Variants in RBFOX1 observed in about 807,000 individuals in gnomAD.
RBFOX1 encodes the protein RNA binding fox-1 homolog 1.
A neutral mutation model predicts 57.7 loss-of-function variants in RBFOX1; 8 were observed. The observed-to-expected ratio is 0.14, with a 90% confidence interval of 0.08 to 0.25. The LOEUF is 0.25. RBFOX1 is among the 10% of genes least tolerant of loss of function. The probability of loss-of-function intolerance (pLI) is 1.00; values close to 1 mark genes in which losing one functional copy is unlikely to be tolerated. For synonymous variants in RBFOX1, 326 were observed against 222.4 expected (o/e 1.47, Z -4.15); for missense variants, 611 against 548.5 (o/e 1.11, Z -1.14).
intron 2 of RBFOX1, among the ~76,000 whole-genome samples, chr16:6,438,113 G>C (rs192255578): frequency 6.6e-6 from 1 of 152,178 alleles, no homozygotes; most frequent in African/African-American, 2.4e-5. Context: ...CAAAGACCTT[G>C]CTATTTATGC....
At chr16:5,400,843 C>T (rs1014023747) in intron 1 of RBFOX1, among the ~76,000 whole-genome samples, 2 of 152,106 alleles carry the variant, frequency 1.3e-5, no homozygotes, top group East Asian at 1.9e-4. Flanking sequence ...GAGAAGTGGT[C>T]ATATTTTCAT....
chr16:5,514,502 T>A (rs563919992), intron 2 of RBFOX1, among the ~76,000 whole-genome samples: 2 of 152,094 alleles, frequency 1.3e-5, no homozygotes, highest in Non-Finnish European at 2.9e-5. Context: ...ACCTGCCTCT[T>A]TAGTGAGAGG....
intron 3 of RBFOX1, among the ~76,000 whole-genome samples, chr16:5,701,941 A>G (rs966746948): frequency 6.6e-6 from 1 of 152,222 alleles, no homozygotes; most frequent in Non-Finnish European, 1.5e-5. Context: ...CTCTAGGAGA[A>G]TGGAGACCTC....
intron 1 of RBFOX1, among the ~76,000 whole-genome samples, chr16:6,043,371 T>C (rs1363589159): frequency 6.6e-6 from 1 of 152,158 alleles, no homozygotes; most frequent in Non-Finnish European, 1.5e-5. Flanking sequence ...CAGGGTCATT[T>C]CAAAATATGT....
chr16:6,355,353 C>G (rs1447679234), intron 2 of RBFOX1, among the ~76,000 whole-genome samples: 1 of 150,694 alleles, frequency 6.6e-6, no homozygotes, highest in Non-Finnish European at 1.5e-5. Context: ...TCTCGTTGTT[C>G]AACTCCCACT....
intron 3 of RBFOX1, among the ~76,000 whole-genome samples, chr16:6,819,723 A>T (rs1412229638): frequency 2.8e-5 from 4 of 144,526 alleles, no homozygotes; most frequent in African/African-American, 7.8e-5. Flanking sequence ...AAAAAAAAAA[A>T]AAAAAAAATA....
intron 3 of RBFOX1, among the ~76,000 whole-genome samples, chr16:5,865,397 A>G (rs1357161358): frequency 1.3e-5 from 2 of 152,178 alleles, no homozygotes; most frequent in Non-Finnish European, 1.5e-5. Flanking sequence ...CCATCACACC[A>G]TGAGTTTCCC....
intron 3 of RBFOX1, among the ~76,000 whole-genome samples, chr16:5,709,827 ATATATATATATATATATTTTTTTTTTTTT>A (rs1399766335): frequency 1.4e-3 from 16 of 11,520 alleles, no homozygotes; most frequent in East Asian, 7.0e-3. Context: ...ATATATATAT[ATATATATATATATATATTTTTTTTTTTTT>A]TTTTTTTTTT....
At chr16:6,482,022 C>G (rs930740929) in intron 2 of RBFOX1, among the ~76,000 whole-genome samples, 1 of 152,062 alleles carries the variant, frequency 6.6e-6, no homozygotes, top group Admixed American at 6.6e-5. Context: ...GAAATATTGC[C>G]TCTAGATATG....
intron 4 of RBFOX1, among the ~76,000 whole-genome samples, chr16:7,369,051 G>A (rs565373851): frequency 5.3e-5 from 8 of 152,100 alleles, no homozygotes; most frequent in Admixed American, 2.0e-4. Flanking sequence ...TAGCATGGTG[G>A]TGGTAGAAGT....
chr16:6,888,674 C>T (rs1950099994), intron 3 of RBFOX1, among the ~76,000 whole-genome samples: 1 of 152,102 alleles, frequency 6.6e-6, no homozygotes, highest in African/African-American at 2.4e-5. Context: ...CAGATGTCTC[C>T]TGTATTCTAA....
chr16:7,691,931 T>A (rs557170277), intron 14 of RBFOX1, among the ~76,000 whole-genome samples: 3 of 152,288 alleles, frequency 2.0e-5, no homozygotes, highest in East Asian at 1.9e-4. Flanking sequence ...GAGGTTATTC[T>A]AAGTGCCTGT....
intron 2 of RBFOX1, among the ~76,000 whole-genome samples, chr16:6,559,109 A>ATGTG (rs1491541445): frequency 1.0e-5 from 1 of 96,060 alleles, no homozygotes; most frequent in African/African-American, 5.6e-5. Flanking sequence ...TTATATATAC[A>ATGTG]TATGTGTGTG....
intron 3 of RBFOX1, among the ~76,000 whole-genome samples, chr16:5,738,485 T>G (rs1393302654): frequency 1.3e-5 from 2 of 151,480 alleles, no homozygotes; most frequent in African/African-American, 4.9e-5. Context: ...TACAAAAAAA[T>G]TAGCTGGTCG....
intron 1 of RBFOX1, among the ~76,000 whole-genome samples, chr16:5,362,888 G>C (rs2065593229): frequency 6.6e-6 from 1 of 152,104 alleles, no homozygotes; most frequent in African/African-American, 2.4e-5. Flanking sequence ...GCTAAATAAT[G>C]TTCCACTGTA....
intron 3 of RBFOX1, among the ~76,000 whole-genome samples, chr16:5,630,881 T>C (rs2048485600): frequency 6.6e-6 from 1 of 152,232 alleles, no homozygotes; most frequent in African/African-American, 2.4e-5. Flanking sequence ...TGCTGATGTT[T>C]AATGACCAAA....
intron 4 of RBFOX1, among the ~76,000 whole-genome samples, chr16:5,968,496 C>G (rs2059897108): frequency 6.6e-6 from 1 of 152,160 alleles, no homozygotes; most frequent in African/African-American, 2.4e-5. Context: ...ACACGTGGGT[C>G]ACTTTATTTA....
At chr16:7,075,673 C>T (rs1179555399) in intron 4 of RBFOX1, among the ~76,000 whole-genome samples, 1 of 152,128 alleles carries the variant, frequency 6.6e-6, no homozygotes, top group East Asian at 1.9e-4. Context: ...GTCCGCCTCT[C>T]AGGTTCACAC....
chr16:7,027,102 C>A (rs972011551), intron 3 of RBFOX1, among the ~76,000 whole-genome samples: 6 of 152,116 alleles, frequency 3.9e-5, no homozygotes, highest in African/African-American at 1.4e-4. Flanking sequence ...TTCCTGAACC[C>A]GTCTCTCCTA....
Sources: allele counts gnomAD v4.1 joint callset (sites outside exome capture counted in the v4.1 genomes callset), GRCh38; gene constraint gnomAD v4.1.1; transcripts MANE v1.5; gene names NCBI Gene and HGNC (gene_info 2026-07-23, HGNC 2026-07-21).